Variants in ASTN2 observed in about 807,000 individuals in gnomAD.
ASTN2 encodes astrotactin-2.
Under a neutral mutation model 139.8 loss-of-function variants are expected in ASTN2, and 54 were observed. The ratio of observed to expected loss-of-function variants is 0.39; its 90% CI spans 0.31 to 0.48. ASTN2 has a LOEUF of 0.48. Ranked by LOEUF, ASTN2 falls within the 20% of genes least tolerant of loss-of-function variation. ASTN2 has a pLI of 0.95. For synonymous variants in ASTN2, 756 were observed against 719.5 expected (o/e 1.05, Z -0.81); for missense variants, 1,565 against 1,725.1 (o/e 0.91, Z 1.64).
rs187685976 is a variant in ASTN2, at chr9:117,398,930, C to A, written c.442+15567G>T. On this transcript the variant is annotated intron_variant, in intron 1 of 22. Transcript: ENST00000313400. Reference sequence around the variant, plus strand: ...CCGAGTAGCTGGGACTACAGACATGCGCTGCCACATCCAGCTAATTTTTTG... The same window carrying A: ...CCGAGTAGCTGGGACTACAGACATGAGCTGCCACATCCAGCTAATTTTTTG... Among the ~76,000 whole-genome samples, 80 of 152,206 alleles carry A rather than the reference C, an allele frequency of 5.3e-4. 1 individual carries two copies. Among genetic ancestry groups the A allele is most frequent in the African/African-American group, 1.8e-3 (73 of 41,528 alleles).
chr9:117,168,673 C>A (rs1458972885), intron 3 of ASTN2, among the ~76,000 whole-genome samples: 1 of 152,058 alleles, frequency 6.6e-6, no homozygotes, highest in Admixed American at 6.5e-5. Flanking sequence ...TAGTATAAAG[C>A]CTTCAGTCAT....
intron 11 of ASTN2, among the ~76,000 whole-genome samples, chr9:116,839,396 T>C (rs1484233970): frequency 6.6e-6 from 1 of 152,132 alleles, no homozygotes; most frequent in Non-Finnish European, 1.5e-5. Context: ...CTCATTTAAG[T>C]ATATGATTCA....
intron 5 of ASTN2, among the ~76,000 whole-genome samples, chr9:117,054,169 T>C (rs1476148173): frequency 6.6e-6 from 1 of 152,206 alleles, no homozygotes; most frequent in Non-Finnish European, 1.5e-5. Flanking sequence ...AATATGTCAC[T>C]TCCAAAAGAA....
chr9:116,645,516 G>A (rs1172680643), intron 17 of ASTN2, among the ~76,000 whole-genome samples: 1 of 152,006 alleles, frequency 6.6e-6, no homozygotes, highest in African/African-American at 2.4e-5. Flanking sequence ...GGTCCCCAAG[G>A]CCATCGAGAA....
chr9:117,170,417 T>C (rs1830765070), intron 3 of ASTN2, among the ~76,000 whole-genome samples: 1 of 152,142 alleles, frequency 6.6e-6, no homozygotes, highest in Non-Finnish European at 1.5e-5. Flanking sequence ...GTGACAACAC[T>C]GATGAAGGCA....
chr9:116,681,002 T>C (rs1243480980), intron 16 of ASTN2, among the ~76,000 whole-genome samples: 6 of 152,150 alleles, frequency 3.9e-5, no homozygotes, highest in Non-Finnish European at 8.8e-5. Context: ...CTATTCAACA[T>C]AGTGTTGGAA....
At chr9:116,653,456 G>A (rs907555664) in intron 16 of ASTN2, among the ~76,000 whole-genome samples, 1 of 152,212 alleles carries the variant, frequency 6.6e-6, no homozygotes, top group African/African-American at 2.4e-5. Flanking sequence ...GAAGCAAAGT[G>A]ATTTGTACAA....
intron 5 of ASTN2, among the ~76,000 whole-genome samples, chr9:117,081,462 T>C (rs920189556): frequency 2.0e-5 from 3 of 152,136 alleles, no homozygotes; most frequent in Non-Finnish European, 4.4e-5. Flanking sequence ...TAAAATAGCC[T>C]CCAACATTCC....
chr9:116,655,519 T>C (rs112071104), intron 16 of ASTN2, among the ~76,000 whole-genome samples: 1,693 of 152,254 alleles, frequency 0.011, 30 homozygotes, highest in African/African-American at 0.039. Context: ...GCATATACCC[T>C]CTGCCTCTCT....
At chr9:117,015,063 G>C (rs1837636335) in intron 6 of ASTN2, among the ~76,000 whole-genome samples, 1 of 152,084 alleles carries the variant, frequency 6.6e-6, no homozygotes, top group Admixed American at 6.6e-5. Flanking sequence ...ACCCAGGCTA[G>C]AGTGCAGTGG....
intron 2 of ASTN2, among the ~76,000 whole-genome samples, chr9:117,253,472 C>T (rs892327601): frequency 7.2e-5 from 11 of 152,122 alleles, no homozygotes; most frequent in African/African-American, 1.2e-4. Flanking sequence ...AGATAAAAAA[C>T]GAGCTGGTAT....
At chr9:117,048,235 T>C (rs1411758671) in intron 5 of ASTN2, among the ~76,000 whole-genome samples, 1 of 152,184 alleles carries the variant, frequency 6.6e-6, no homozygotes, top group Non-Finnish European at 1.5e-5. Context: ...CTAGGTGAAT[T>C]TGTGGTGGCC....
At chr9:116,526,273 T>A (rs754675514) in intron 19 of ASTN2, among the ~76,000 whole-genome samples, 2 of 152,168 alleles carry the variant, frequency 1.3e-5, no homozygotes, top group Non-Finnish European at 2.9e-5. Context: ...TTGCCTGTAA[T>A]ATGGGAATAA....
At chr9:116,708,576 G>A (rs1055834353) in intron 16 of ASTN2, among the ~76,000 whole-genome samples, 1 of 152,064 alleles carries the variant, frequency 6.6e-6, no homozygotes, top group Non-Finnish European at 1.5e-5. Context: ...AGGTTCATTT[G>A]GCACACTCAC....
intron 7 of ASTN2, among the ~76,000 whole-genome samples, chr9:116,986,548 G>A (rs1836688734): frequency 6.6e-6 from 1 of 152,190 alleles, no homozygotes; most frequent in Admixed American, 6.5e-5. Flanking sequence ...GCTCACCAGT[G>A]AAAAGGGAGG....
intron 12 of ASTN2, among the ~76,000 whole-genome samples, chr9:116,820,073 C>T (rs1016720814): frequency 3.3e-5 from 5 of 152,212 alleles, no homozygotes; most frequent in Non-Finnish European, 7.3e-5. Context: ...AGCTGTCCTA[C>T]AAGCTTCACC....
At chr9:116,602,594 T>G (rs1371605024) in intron 19 of ASTN2, among the ~76,000 whole-genome samples, 1 of 152,118 alleles carries the variant, frequency 6.6e-6, no homozygotes, top group African/African-American at 2.4e-5. Context: ...ACTCCATCAT[T>G]GTTCTTAATG....
chr9:116,955,476 G>A (rs1835681135), intron 10 of ASTN2, among the ~76,000 whole-genome samples: 1 of 152,156 alleles, frequency 6.6e-6, no homozygotes. Flanking sequence ...CTGTTTAAAG[G>A]GACTAAGTTA....
intron 7 of ASTN2, among the ~76,000 whole-genome samples, chr9:116,991,572 C>T (rs1836856508): frequency 7.2e-6 from 1 of 138,870 alleles, no homozygotes; most frequent in South Asian, 2.6e-4. Flanking sequence ...AAGGTGAATA[C>T]TTCTCCCTCT....
Sources: gnomAD v4.1 joint callset for allele counts (sites outside exome capture counted in the v4.1 genomes callset) on GRCh38, gnomAD v4.1.1 for gene constraint, MANE v1.5 for transcripts, NCBI Gene and HGNC (gene_info 2026-07-23, HGNC 2026-07-21) for gene names.